The following ADAM18 variants were observed in gnomAD, a reference collection of about 807,000 sequenced individuals.
ADAM18 encodes the protein disintegrin and metalloproteinase domain-containing protein 18.
A neutral mutation model predicts 94.4 loss-of-function variants in ADAM18; 117 were observed. That is an observed-to-expected ratio of 1.24 (90% CI 1.07 to 1.45). The LOEUF (loss-of-function observed/expected upper bound fraction) is 1.45, where lower values mean the gene tolerates loss of function less well. Ranked by LOEUF, ADAM18 falls within the 40% of genes most tolerant of loss-of-function variation. The probability of loss-of-function intolerance (pLI) is 0.00; values close to 1 mark genes in which losing one functional copy is unlikely to be tolerated. For synonymous variants in ADAM18, 327 were observed against 291.6 expected (o/e 1.12, Z -1.24); for missense variants, 936 against 880.0 (o/e 1.06, Z -0.81).
chr8:39,710,607 C>A (rs1822369709), intron 18 of ADAM18, among the ~76,000 whole-genome samples: 1 of 152,156 alleles, frequency 6.6e-6, no homozygotes. Context: ...CCTGACCCAA[C>A]TTCGTCAACA....
intron 18 of ADAM18, among the ~76,000 whole-genome samples, chr8:39,721,723 G>A (rs6474170): frequency 0.37 from 56,155 of 150,954 alleles, 10,636 homozygotes; most frequent in African/African-American, 0.44. Context: ...ATGTTATCAG[G>A]ATGGTTAGTA....
At chr8:39,709,780 A>G (rs1183157680) in intron 18 of ADAM18, among the ~76,000 whole-genome samples, 3 of 152,230 alleles carry the variant, frequency 2.0e-5, no homozygotes, top group Admixed American at 6.5e-5. Context: ...TAAGGTCCCA[A>G]AGTAAACAAT....
chr8:39,723,272 T>G (rs1032320931), intron 18 of ADAM18, among the ~76,000 whole-genome samples: 1 of 151,484 alleles, frequency 6.6e-6, no homozygotes, highest in African/African-American at 2.4e-5. Context: ...TATAGATATA[T>G]AGATATAGAT....
At chr8:39,627,916 C>G (rs1221977121) in intron 6 of ADAM18, among the ~76,000 whole-genome samples, 1 of 151,980 alleles carries the variant, frequency 6.6e-6, no homozygotes, top group Non-Finnish European at 1.5e-5. Flanking sequence ...CTAGTAGTAA[C>G]AAATTCCCTT....
Position 39,609,101 on chromosome 8 carries a change from C to G in ADAM18, c.248C>G (p.Ser83Cys). The G allele has an allele frequency of 1.3e-6, 2 of 1,589,264 alleles. No individual in the cohort carries two copies. The highest frequency in any genetic ancestry group is 1.7e-6 in the Non-Finnish European group (2 of 1,166,430). The change falls in exon 4 of 20, where the codon TCT (serine) becomes TGT (cysteine). Residue 83 changes from serine (S) to cysteine (C), a missense_variant. Physicochemically the swap from Ser to Cys is moderately radical, Grantham distance 112. Transcript: ENST00000265707. ...TATAATGAAACTGGATCTTTGCATT[C>G]TGTGTCTCCATATTTTATGGTAAAG... ...YTYNETGSLHSVSPYFMMHCH... is the reference protein window; with the variant it reads ...YTYNETGSLHCVSPYFMMHCH...
At chr8:39,704,026 A>C (rs1340584971) in intron 17 of ADAM18, among the ~76,000 whole-genome samples, 2 of 152,110 alleles carry the variant, frequency 1.3e-5, no homozygotes, top group Non-Finnish European at 2.9e-5. Flanking sequence ...AAATTGAATC[A>C]TTGAAAAGAC....
chr8:39,615,903 T>A (rs1190167659), intron 6 of ADAM18, among the ~76,000 whole-genome samples: 1 of 152,156 alleles, frequency 6.6e-6, no homozygotes, highest in African/African-American at 2.4e-5. Flanking sequence ...GTAGCACTTG[T>A]ATAAGCTAAT....
At chr8:39,637,498 C>T (rs1820113316) in intron 8 of ADAM18, 39 bp from the exon 9 acceptor site, 1 of 1,514,822 alleles carries the variant, frequency 6.6e-7, no homozygotes. Flanking sequence ...AATGTAATAA[C>T]TTGTTTCTTT....
At chr8:39,651,353 G>A (rs996715607) in intron 12 of ADAM18, among the ~76,000 whole-genome samples, 1 of 152,114 alleles carries the variant, frequency 6.6e-6, no homozygotes. Context: ...TACGGGTGTC[G>A]GGCTGGGGGA....
intron 11 of ADAM18, among the ~76,000 whole-genome samples, chr8:39,647,731 G>A (rs927099001): frequency 2.6e-5 from 4 of 152,146 alleles, no homozygotes; most frequent in African/African-American, 7.2e-5. Flanking sequence ...AGAGAATGGC[G>A]ATGACTTTTA....
chr8:39,619,144 CA>C (rs1354847288), intron 6 of ADAM18, among the ~76,000 whole-genome samples: 1 of 152,112 alleles, frequency 6.6e-6, no homozygotes, highest in Admixed American at 6.6e-5. Flanking sequence ...TCTTTGCACC[CA>C]ATATTGTAGC....
chr8:39,656,191 T>A (rs1820677699), intron 12 of ADAM18, among the ~76,000 whole-genome samples: 1 of 151,632 alleles, frequency 6.6e-6, no homozygotes, highest in Non-Finnish European at 1.5e-5. Flanking sequence ...GCCAAGGTGA[T>A]CTTGAAAAAA....
intron 2 of ADAM18, among the ~76,000 whole-genome samples, chr8:39,594,996 G>A (rs1818698276): frequency 2.0e-5 from 3 of 151,284 alleles, no homozygotes; most frequent in South Asian, 4.2e-4. Context: ...AGTACCCTAG[G>A]TCCCCGAAGC....
chr8:39,703,761 T>C (rs1183646646), intron 17 of ADAM18, among the ~76,000 whole-genome samples: 1 of 151,880 alleles, frequency 6.6e-6, no homozygotes, highest in Non-Finnish European at 1.5e-5. Context: ...TTCAAAAGAT[T>C]AACCAATTCA....
chr8:39,586,472 A>G (rs1046926281), intron 2 of ADAM18, among the ~76,000 whole-genome samples: 2 of 152,134 alleles, frequency 1.3e-5, no homozygotes, highest in Admixed American at 6.5e-5. Context: ...TGCCAACACA[A>G]TCCCATCCCA....
At chr8:39,667,974 T>C in intron 13 of ADAM18, 24 bp from the exon 14 acceptor site, 1 of 1,603,582 alleles carries the variant, frequency 6.2e-7, no homozygotes, top group Non-Finnish European at 8.5e-7. Context: ...CAGAACTTAA[T>C]TTTATTTTTC....
intron 14 of ADAM18, among the ~76,000 whole-genome samples, chr8:39,671,240 G>T (rs892678438): frequency 6.6e-6 from 1 of 152,192 alleles, no homozygotes; most frequent in African/African-American, 2.4e-5. Flanking sequence ...ACTGGTGGAA[G>T]TTGATAATAT....
chr8:39,668,322 G>A (rs1043090015), intron 14 of ADAM18, 126 bp downstream of exon 14: 1 of 876,772 alleles, frequency 1.1e-6, no homozygotes, highest in Admixed American at 2.8e-5. Context: ...TTAAATTTTA[G>A]TTAAAGAAGA....
At chr8:39,663,765 G>A (rs748637608) in intron 12 of ADAM18, 30 bp from the exon 13 acceptor site, 6 of 1,462,918 alleles carry the variant, frequency 4.1e-6, no homozygotes, top group Non-Finnish European at 5.7e-6. Flanking sequence ...TGGTTAAACT[G>A]TAATAATATT....
Sources: allele counts gnomAD v4.1 joint callset (sites outside exome capture counted in the v4.1 genomes callset), GRCh38; gene constraint gnomAD v4.1.1; transcripts MANE v1.5; gene names NCBI Gene and HGNC (gene_info 2026-07-23, HGNC 2026-07-21).